The following LAPTM5 variants were observed in gnomAD, a reference collection of about 807,000 sequenced individuals.
The protein encoded by LAPTM5 is lysosomal protein transmembrane 5.
LAPTM5 carries 11 observed loss-of-function variants against 30.1 expected under a neutral mutation model. The observed-to-expected ratio is 0.37, with a 90% CI of 0.23 to 0.60. The LOEUF is 0.60. Ranked by LOEUF, LAPTM5 falls within the 20% of genes least tolerant of loss-of-function variation. The pLI is 0.71. For missense variants in LAPTM5, 324 were observed against 332.5 expected (o/e 0.97, Z 0.20); for synonymous variants, 151 against 137.9 (o/e 1.10, Z -0.67).
intron 7 of LAPTM5, 22 bp from the exon 8 acceptor site, chr1:30,733,939 G>C: frequency 6.2e-7 from 1 of 1,606,294 alleles, no homozygotes; most frequent in Non-Finnish European, 8.5e-7. Flanking sequence ...AGAGAGATGA[G>C]GGCTGAGTAT....
chr1:30,747,336 C>T (rs899752417), intron 1 of LAPTM5, among the ~76,000 whole-genome samples: 2 of 152,198 alleles, frequency 1.3e-5, no homozygotes, highest in African/African-American at 2.4e-5. Flanking sequence ...ATGTTACCAG[C>T]GGGGAAATAT....
rs1260410230 is a variant in LAPTM5 at position 30,737,691 on chromosome 1, G to T, written c.519C>A (p.Leu173=). The stretch of plus-strand genomic sequence containing the variant: ...TATGAGGCATATCCTCCTGGCTGGG[G>T]AGGTAATTCTGCAACAGATTTGGGG... The part of the protein sequence containing the change: ...NFKSMNHMNY[L]PSQEDMPHNQ... The change falls in exon 6 of 8, where the codon CTC becomes CTA. Residue 173 remains leucine (L), a synonymous_variant. Transcript: ENST00000294507. 6.2e-7 allele frequency: 1 copy of T among 1,612,090 alleles called. No individual in the cohort carries two copies. The highest frequency in any genetic ancestry group is 1.7e-5 in the Admixed American group (1 of 59,870).
At chr1:30,747,981 A>G (rs1233854746) in intron 1 of LAPTM5, among the ~76,000 whole-genome samples, 1 of 152,086 alleles carries the variant, frequency 6.6e-6, no homozygotes, top group Non-Finnish European at 1.5e-5. Context: ...AAGGAATATC[A>G]TGTGGATGGT....
Position 30,739,116 on chromosome 1 carries a change from G to A in LAPTM5, c.388-54C>T. 6.5e-7 allele frequency: 1 copy of A among 1,546,922 alleles called. No homozygotes were observed. The highest frequency in any genetic ancestry group is 8.7e-7 in the Non-Finnish European group (1 of 1,143,996). Reference sequence around the variant, plus strand: ...ATGAGGAGCAGCAATTAAAGTCCCAGTTACTGAGCGGCACATAGTAGGCCC... The same window carrying A: ...ATGAGGAGCAGCAATTAAAGTCCCAATTACTGAGCGGCACATAGTAGGCCC... On this transcript the variant is annotated intron_variant, in intron 4 of 7. Coordinates refer to ENST00000294507, the MANE Select transcript of LAPTM5 (RefSeq NM_006762.3). The surrounding 1 kb of genome is among the most constrained non-coding windows in gnomAD (Gnocchi z 4.2).
Position 30,741,626 on chromosome 1 carries a change from T to C in LAPTM5, c.258+14A>G, listed in dbSNP as rs1325375939. 2 of 1,581,288 alleles carry C rather than the reference T, an allele frequency of 1.3e-6. No individual in the cohort carries two copies. Among genetic ancestry groups the C allele is most frequent in the Non-Finnish European group, 1.7e-6 (2 of 1,162,590 alleles). On this transcript the variant is annotated intron_variant, in intron 3 of 7. Coordinates refer to ENST00000294507, the MANE Select transcript of LAPTM5 (RefSeq NM_006762.3). ...AGGAAGGGGCAGGGGGCAGCGGGGC[T>C]CCTGAGCCCTCACCTTGACTACGCC...
At chr1:30,744,190 G>A (rs548969498) in intron 1 of LAPTM5, among the ~76,000 whole-genome samples, 1 of 152,216 alleles carries the variant, frequency 6.6e-6, no homozygotes, top group South Asian at 2.1e-4. Flanking sequence ...TAAAGAGTGA[G>A]CTGGAAAGGC....
intron 1 of LAPTM5, among the ~76,000 whole-genome samples, chr1:30,747,346 T>C (rs1299634687): frequency 2.0e-5 from 3 of 152,022 alleles, no homozygotes; most frequent in Non-Finnish European, 4.4e-5. Flanking sequence ...CGGGGAAATA[T>C]GGCCCAGAGA....
At chr1:30,742,824 A>G (rs1213149803) in intron 1 of LAPTM5, among the ~76,000 whole-genome samples, 1 of 152,202 alleles carries the variant, frequency 6.6e-6, no homozygotes, top group Non-Finnish European at 1.5e-5. Context: ...AGATGGGGAT[A>G]ATACTAGTAA....
chr1:30,750,369 G>A (rs1452222016), intron 1 of LAPTM5, among the ~76,000 whole-genome samples: 3 of 152,146 alleles, frequency 2.0e-5, no homozygotes, highest in African/African-American at 7.2e-5. Context: ...TTTATTAGAC[G>A]CCAGGTCCTC....
intron 5 of LAPTM5, among the ~76,000 whole-genome samples, chr1:30,737,914 A>G (rs1197086491): frequency 6.6e-6 from 1 of 152,196 alleles, no homozygotes; most frequent in Non-Finnish European, 1.5e-5. Flanking sequence ...CCAAGTGGCT[A>G]CTATCTCCAG....
chr1:30,743,514 T>C (rs1640000325), intron 1 of LAPTM5, among the ~76,000 whole-genome samples: 1 of 152,150 alleles, frequency 6.6e-6, no homozygotes, highest in African/African-American at 2.4e-5. Context: ...AGCCTCTACT[T>C]AAGTGCTTCC....
At position 30,756,142 on chromosome 1, in the gene LAPTM5, G is replaced by A. The variant is rs190909258; in HGVS notation, c.87+1517C>T. 2.0e-5 allele frequency among the ~76,000 whole-genome samples: 3 copies of A among 152,348 alleles called. No homozygotes were observed. The East Asian group carries it at 5.8e-4, about 29-fold the overall frequency. ...GTGAGGACCCAGGGACTTGCTACCT[G>A]TGAGGCGCCCCTGCATGCCACACTG... On this transcript the variant is annotated intron_variant, in intron 1 of 7. Transcript: ENST00000294507.
chr1:30,744,712 G>A (rs958433252), intron 1 of LAPTM5, among the ~76,000 whole-genome samples: 1 of 152,082 alleles, frequency 6.6e-6, no homozygotes, highest in Non-Finnish European at 1.5e-5. Context: ...TGAGGGAGGA[G>A]CCCAAGTCTC....
chr1:30,751,294 G>A (rs776954978), intron 1 of LAPTM5, among the ~76,000 whole-genome samples: 2 of 152,238 alleles, frequency 1.3e-5, no homozygotes, highest in East Asian at 1.9e-4. Flanking sequence ...TCCGTGAAGC[G>A]CACAGAGCTG....
At chr1:30,752,807 T>G (rs1453630574) in intron 1 of LAPTM5, among the ~76,000 whole-genome samples, 4 of 149,850 alleles carry the variant, frequency 2.7e-5, no homozygotes, top group Non-Finnish European at 5.9e-5. Context: ...TACTATGATT[T>G]GAATGCTTTA....
At chr1:30,744,962 G>T (rs1188123909) in intron 1 of LAPTM5, among the ~76,000 whole-genome samples, 2 of 152,060 alleles carry the variant, frequency 1.3e-5, no homozygotes, top group African/African-American at 4.8e-5. Flanking sequence ...AAAATTATAT[G>T]ATGGAAAAAT....
intron 7 of LAPTM5, 96 bp downstream of exon 7, chr1:30,735,077 A>G: frequency 1.2e-6 from 1 of 827,624 alleles, no homozygotes; most frequent in Non-Finnish European, 2.1e-6. Flanking sequence ...TCATCTTACA[A>G]ATAGAGAAAC....
chr1:30,757,638 AC>A lies in LAPTM5; in HGVS notation c.87+20del. ...CTCACACAAGCACGCACGCACACACACCCGGGGCCCGCACACTCACCACATG... is the reference window on the plus strand; with the variant it reads ...CTCACACAAGCACGCACGCACACACACCGGGGCCCGCACACTCACCACATG... On this transcript the variant is annotated intron_variant, in intron 1 of 7. Coordinates refer to ENST00000294507, the MANE Select transcript of LAPTM5 (RefSeq NM_006762.3). 1.3e-6 allele frequency: 2 copies of A among 1,556,786 alleles called. No homozygotes were observed. Among genetic ancestry groups the A allele is most frequent in the Non-Finnish European group, 1.8e-6 (2 of 1,130,362 alleles).
At chr1:30,745,931 C>T (rs982584088) in intron 1 of LAPTM5, 3 of 152,294 alleles carry the variant, frequency 2.0e-5, no homozygotes, top group Non-Finnish European at 4.4e-5. Flanking sequence ...TCCTGTGTCA[C>T]GTGGCCCGGC....
Sources: allele counts gnomAD v4.1 joint callset (sites outside exome capture counted in the v4.1 genomes callset), GRCh38; gene constraint gnomAD v4.1.1; non-coding constraint Gnocchi (gnomAD v3.1); transcripts MANE v1.5; gene names NCBI Gene and HGNC (gene_info 2026-07-23, HGNC 2026-07-21).